The following PPIG variants were observed in gnomAD, a reference collection of about 807,000 sequenced individuals.
PPIG encodes peptidylprolyl isomerase G, also known as peptidyl-prolyl cis-trans isomerase G.
PPIG carries 26 observed loss-of-function variants against 87.9 expected under a neutral mutation model. The ratio of observed to expected loss-of-function variants is 0.30; its 90% confidence interval spans 0.22 to 0.41. The LOEUF is 0.41. PPIG is among the 10% of genes least tolerant of loss of function. The probability of loss-of-function intolerance (pLI) is 1.00; values close to 1 mark genes in which losing one functional copy is unlikely to be tolerated. For missense variants in PPIG, 722 were observed against 879.4 expected, an observed-to-expected ratio of 0.82 and a Z score of 2.26; for synonymous variants, 308 against 276.5, an observed-to-expected ratio of 1.11 and a Z score of -1.13.
At chr2:169,624,578 G>A (rs899551435) in intron 9 of PPIG, among the ~76,000 whole-genome samples, 9 of 152,048 alleles carry the variant, frequency 5.9e-5, no homozygotes, top group Admixed American at 1.3e-4. Context: ...TAAGTAGTTA[G>A]GAAGTAGGGT....
At chr2:169,627,725 T>TTTTTTTTTTTTTTTTTTTTTTA (rs1491338209) in intron 9 of PPIG, among the ~76,000 whole-genome samples, 1 of 142,942 alleles carries the variant, frequency 7.0e-6, no homozygotes. Flanking sequence ...TTTTTTTTTT[T>TTTTTTTTTTTTTTTTTTTTTTA]AATTTCAAAC....
At position 169,637,555 on chromosome 2, in the gene PPIG, T is replaced by G; in HGVS notation, c.*32T>G. 2 of 1,496,352 alleles carry G rather than the reference T, an allele frequency of 1.3e-6. No individual in the cohort carries two copies. The highest frequency in any genetic ancestry group is 1.8e-6 in the Non-Finnish European group (2 of 1,129,592). The allele number at this position is 1,496,352 out of a possible 1,614,324, so 92.7% of individuals were successfully genotyped here. On this transcript the variant is annotated 3_prime_UTR_variant, in exon 14 of 14. Coordinates refer to ENST00000260970, the MANE Select transcript of PPIG (RefSeq NM_004792.3). ...TATATAAACTTACTTCCATTCTGTTTCGGATTTTAAGTTTGAGAGACTTGC... is the reference window on the plus strand; with the variant it reads ...TATATAAACTTACTTCCATTCTGTTGCGGATTTTAAGTTTGAGAGACTTGC...
chr2:169,636,014 C>A, intron 12 of PPIG, 78 bp from the exon 13 acceptor site: 1 of 1,072,372 alleles, frequency 9.3e-7, no homozygotes, highest in Non-Finnish European at 1.3e-6. Flanking sequence ...CACCCCAGTA[C>A]TTCCCTCCCT....
At chr2:169,619,118 C>T (rs1046791078) in intron 9 of PPIG, among the ~76,000 whole-genome samples, 23 of 151,498 alleles carry the variant, frequency 1.5e-4, no homozygotes, top group Non-Finnish European at 2.4e-4. Context: ...AAAATAATTT[C>T]GTTATTTACC....
intron 1 of PPIG, among the ~76,000 whole-genome samples, chr2:169,603,401 C>T (rs1393650082): frequency 6.6e-6 from 1 of 152,092 alleles, no homozygotes; most frequent in East Asian, 1.9e-4. Flanking sequence ...ACCAGCATAT[C>T]AGTAAAGGCT....
chr2:169,592,666 C>T (rs1204661525), intron 1 of PPIG, among the ~76,000 whole-genome samples: 1 of 152,070 alleles, frequency 6.6e-6, no homozygotes, highest in Admixed American at 6.6e-5. Context: ...TCTTGAACTC[C>T]TGGGCTCAAG....
chr2:169,601,003 G>C (rs1266188706), intron 1 of PPIG, among the ~76,000 whole-genome samples: 1 of 152,186 alleles, frequency 6.6e-6, no homozygotes, highest in Non-Finnish European at 1.5e-5. Context: ...CAGAGATTCT[G>C]TGAGGAGTTT....
chr2:169,639,721 T>A lies in PPIG; in HGVS notation c.*2198T>A, dbSNP rs901105323. 2.0e-5 allele frequency: 3 copies of A among 152,172 alleles called. No individual in the cohort carries two copies. Among genetic ancestry groups the A allele is most frequent in the Admixed American group, 6.5e-5 (1 of 15,272 alleles). 9.4% of individuals were successfully genotyped at this position (152,172 alleles called of 1,614,324 possible). A position where few individuals can be genotyped will look rare whatever the true frequency, so the allele number is the denominator to read the frequency against. Reference sequence around the variant, plus strand: ...ATTTTTAGAATATAAAGAACATTTTTAAAATGATTAAACAGCATTAACTGT... The same window carrying A: ...ATTTTTAGAATATAAAGAACATTTTAAAAATGATTAAACAGCATTAACTGT... On this transcript the variant is annotated 3_prime_UTR_variant, in exon 14 of 14. Coordinates refer to ENST00000260970, the MANE Select transcript of PPIG (RefSeq NM_004792.3).
chr2:169,608,404 G>GCGTGAACCCAGGAGGTGGAGCTTA (rs1340818781), intron 6 of PPIG, among the ~76,000 whole-genome samples: 13 of 152,066 alleles, frequency 8.5e-5, no homozygotes, highest in Non-Finnish European at 2.9e-5. Flanking sequence ...CAGGAGAATG[G>GCGTGAACCCAGGAGGTGGAGCTTA]CGTGAACCCA....
chr2:169,605,351 A>G (rs1201731958), intron 4 of PPIG, among the ~76,000 whole-genome samples: 1 of 151,850 alleles, frequency 6.6e-6, no homozygotes, highest in Non-Finnish European at 1.5e-5. Flanking sequence ...AAATAACAAA[A>G]AATCAGCTGG....
intron 9 of PPIG, among the ~76,000 whole-genome samples, chr2:169,616,069 A>C (rs538684036): frequency 2.0e-5 from 3 of 152,204 alleles, no homozygotes; most frequent in African/African-American, 7.2e-5. Context: ...TCATTGTTCA[A>C]CTTCCACTTT....
Position 169,600,778 on chromosome 2 carries a change from A to G in PPIG, c.-69-2864A>G, listed in dbSNP as rs1047095025. Among the ~76,000 whole-genome samples the G allele has an allele frequency of 7.9e-5, 12 of 152,324 alleles. No individual in the cohort carries two copies. The South Asian group carries it at 2.5e-3, about 32-fold the overall frequency. On this transcript the variant is annotated intron_variant, in intron 1 of 13. Transcript: ENST00000260970. ...ATACAACCTAGGAAATGCAAAAACT[A>G]AAATAAAAATCACCTATAACTCATT...
Position 169,636,691 on chromosome 2 carries a change from A to G in PPIG, c.1433A>G (p.Asn478Ser). The G allele has an allele frequency of 1.2e-6, 2 of 1,609,828 alleles. No individual in the cohort carries two copies. Among genetic ancestry groups the G allele is most frequent in the East Asian group, 2.2e-5 (1 of 44,816 alleles). The change falls in exon 14 of 14, where the codon AAT becomes AGT. Residue 478 changes from asparagine to serine, a missense_variant. Around this residue, in one of 4 missense-constraint regions of PPIG, gnomAD observed 476 missense variants for 483.1 expected, o/e 0.99. Transcript: ENST00000260970. ...SKSKERDSKH[N>S]RNEEKRMRSR... ...AGTAAAGAAAGAGATTCAAAACATA[A>G]TAGAAATGAAGAAAAGAGGATGAGG...
intron 1 of PPIG, among the ~76,000 whole-genome samples, chr2:169,586,738 C>T (rs575973076): frequency 3.5e-4 from 53 of 152,034 alleles, no homozygotes; most frequent in African/African-American, 1.2e-3. Context: ...ATAGTAGTTG[C>T]CCCTTTAGTT....
Position 169,637,045 on chromosome 2 carries a change from A to G in PPIG, c.1787A>G (p.Gln596Arg), listed in dbSNP as rs746028141. The stretch of plus-strand genomic sequence containing the variant: ...AAGGAGTACCATAGATACAGAGAAC[A>G]GGAATACAGGAGAAGAGGACGGTCA... ...RSKEYHRYRE[Q>R]EYRRRGRSRS... The change falls in exon 14 of 14, where the codon CAG becomes CGG. Residue 596 changes from glutamine to arginine, a missense_variant. Physicochemically the swap from Gln to Arg is conservative, Grantham distance 43. This residue lies in a region of PPIG where 476 missense variants were observed against 483.1 expected (regional missense o/e 0.99). Transcript: ENST00000260970. 1.9e-6 allele frequency: 3 copies of G among 1,613,760 alleles called. No individual in the cohort carries two copies. The African/African-American group carries it at 4.0e-5, about 22-fold the overall frequency.
At chr2:169,624,867 G>A (rs1462907772) in intron 9 of PPIG, among the ~76,000 whole-genome samples, 1 of 152,210 alleles carries the variant, frequency 6.6e-6, no homozygotes, top group Non-Finnish European at 1.5e-5. Context: ...TGGGATTACA[G>A]GCATGAGCCA....
chr2:169,614,978 C>G (rs967363911), intron 9 of PPIG, among the ~76,000 whole-genome samples: 1 of 151,734 alleles, frequency 6.6e-6, no homozygotes, highest in African/African-American at 2.4e-5. Flanking sequence ...CATTTATTGC[C>G]TCACATAATT....
In PPIG at chr2:169,637,001, CAG is replaced by C. The variant is rs1686197161; in HGVS notation, c.1747_1748del (p.Asp583SerfsTer9). 6.2e-7 allele frequency: 1 copy of C among 1,613,806 alleles called. No individual in the cohort carries two copies. Among genetic ancestry groups the C allele is most frequent in the Non-Finnish European group, 8.5e-7 (1 of 1,179,946 alleles). ...SRRVRSRTHD[R>X]DRSRSKEYHR... ...GAAGAGTGCGATCAAGAACCCATGA[CAG>C]AGATCGCAGCAGAAGCAAGGAGTAC... On this transcript the variant is annotated frameshift_variant, in exon 14 of 14. Coordinates refer to ENST00000260970, the MANE Select transcript of PPIG (RefSeq NM_004792.3). LOFTEE classifies it high-confidence loss of function.
At chr2:169,631,098 C>A in intron 10 of PPIG, 111 bp downstream of exon 10, 1 of 1,005,488 alleles carries the variant, frequency 9.9e-7, no homozygotes, top group Non-Finnish European at 1.4e-6. Flanking sequence ...AGAAATATAG[C>A]ATGGAGCGTA....
Sources: allele counts gnomAD v4.1 joint callset (sites outside exome capture counted in the v4.1 genomes callset), GRCh38; gene constraint gnomAD v4.1.1; regional missense constraint gnomAD v4.1.1; transcripts MANE v1.5; gene names NCBI Gene and HGNC (gene_info 2026-07-23, HGNC 2026-07-21).